Variants in STK32B observed in about 807,000 individuals in gnomAD.
STK32B encodes serine/threonine kinase 32B, also known as serine/threonine-protein kinase 32B.
STK32B carries 43 observed loss-of-function variants against 52.6 expected under a neutral mutation model. The observed-to-expected ratio is 0.82, with a 90% CI of 0.64 to 1.05. The LOEUF (loss-of-function observed/expected upper bound fraction) is 1.05, where lower values mean the gene tolerates loss of function less well. Among genes scored for constraint, STK32B ranks in the 50% least tolerant of loss-of-function variants. STK32B has a pLI of 0.00. For synonymous variants in STK32B, 238 were observed against 204.3 expected (o/e 1.17, Z -1.41); for missense variants, 621 against 534.6 (o/e 1.16, Z -1.59).
chr4:5,410,290 A>G (rs1343895125), intron 5 of STK32B, among the ~76,000 whole-genome samples: 1 of 151,890 alleles, frequency 6.6e-6, no homozygotes, highest in African/African-American at 2.4e-5. Flanking sequence ...GCACCACTTT[A>G]ACCTCTGGCT....
intron 3 of STK32B, among the ~76,000 whole-genome samples, chr4:5,172,270 T>G (rs974574547): frequency 3.3e-5 from 5 of 152,168 alleles, no homozygotes; most frequent in Non-Finnish European, 5.9e-5. Flanking sequence ...ACAATTTGAC[T>G]TCCTCTTTTC....
chr4:5,052,712 C>G (rs1741838239), intron 1 of STK32B, among the ~76,000 whole-genome samples: 1 of 152,118 alleles, frequency 6.6e-6, no homozygotes, highest in Admixed American at 6.5e-5. Flanking sequence ...ACTAGTAATC[C>G]ACGTGAAAAG....
chr4:5,084,795 T>C (rs998663685), intron 1 of STK32B, among the ~76,000 whole-genome samples: 1 of 152,202 alleles, frequency 6.6e-6, no homozygotes, highest in African/African-American at 2.4e-5. Flanking sequence ...TTTTAAACTG[T>C]CTCAGAGTGG....
At chr4:5,080,352 T>C (rs1712342375) in intron 1 of STK32B, among the ~76,000 whole-genome samples, 1 of 152,232 alleles carries the variant, frequency 6.6e-6, no homozygotes, top group South Asian at 2.1e-4. Context: ...GCTTTCTTGC[T>C]ATTCTTTGAA....
intron 4 of STK32B, among the ~76,000 whole-genome samples, chr4:5,376,979 C>G (rs891471215): frequency 6.6e-5 from 10 of 152,052 alleles, no homozygotes; most frequent in African/African-American, 2.4e-4. Flanking sequence ...TTCCCAGCTC[C>G]AGAAAGTCCC....
At chr4:5,192,241 A>G (rs890049064) in intron 3 of STK32B, among the ~76,000 whole-genome samples, 26 of 152,192 alleles carry the variant, frequency 1.7e-4, no homozygotes, top group African/African-American at 6.0e-4. Context: ...TGTGGATTTG[A>G]GACATTCCTC....
chr4:5,319,927 T>C (rs575258192), intron 3 of STK32B, among the ~76,000 whole-genome samples: 1 of 152,246 alleles, frequency 6.6e-6, no homozygotes, highest in Non-Finnish European at 1.5e-5. Context: ...CACTTAGCCA[T>C]GTCTTATGTG....
intron 8 of STK32B, 75 bp downstream of exon 8, chr4:5,456,998 G>A: frequency 9.1e-7 from 1 of 1,096,200 alleles, no homozygotes. Context: ...AGCAAACGAA[G>A]GGGTGAGAAT....
chr4:5,377,389 C>T (rs1235997294), intron 4 of STK32B, among the ~76,000 whole-genome samples: 1 of 152,204 alleles, frequency 6.6e-6, no homozygotes, highest in Non-Finnish European at 1.5e-5. Flanking sequence ...ATTTCAGATT[C>T]AGGAAACTCT....
chr4:5,041,313 C>CT, the STK32B span, among the ~76,000 whole-genome samples: 2 of 151,760 alleles, frequency 1.3e-5, no homozygotes, highest in Admixed American at 1.3e-4. Flanking sequence ...TGACGACTCC[C>CT]TTAAGCCCCT....
the STK32B span, among the ~76,000 whole-genome samples, chr4:5,032,701 T>C: frequency 6.6e-6 from 1 of 152,126 alleles, no homozygotes; most frequent in African/African-American, 2.4e-5. Flanking sequence ...TTAAATACAT[T>C]CACATTGTTG....
chr4:5,034,782 C>T, the STK32B span, among the ~76,000 whole-genome samples: 151,130 of 152,306 alleles, frequency 0.99, 74,997 homozygotes, highest in East Asian at 1. Context: ...GAGGGGCATC[C>T]TGGATTCTTC....
the STK32B span, among the ~76,000 whole-genome samples, chr4:5,029,537 C>A: frequency 4.6e-5 from 7 of 152,136 alleles, no homozygotes; most frequent in African/African-American, 1.7e-4. Flanking sequence ...AACCTGAGAC[C>A]TAGGGCTGTA....
intron 2 of STK32B, among the ~76,000 whole-genome samples, chr4:5,159,238 G>T (rs943124403): frequency 6.6e-6 from 1 of 152,046 alleles, no homozygotes; most frequent in Admixed American, 6.6e-5. Flanking sequence ...CTGAGGAAAC[G>T]TATTTTGGAA....
At chr4:5,330,536 C>T (rs564296915) in intron 3 of STK32B, among the ~76,000 whole-genome samples, 2 of 152,298 alleles carry the variant, frequency 1.3e-5, no homozygotes, top group South Asian at 2.1e-4. Flanking sequence ...CTGGGCTGTT[C>T]TTCTGCTCCA....
intron 1 of STK32B, among the ~76,000 whole-genome samples, chr4:5,080,719 A>G (rs1194447653): frequency 1.3e-5 from 2 of 152,148 alleles, no homozygotes; most frequent in Non-Finnish European, 2.9e-5. Context: ...ATACATACAC[A>G]TTGTGAAATG....
chr4:5,157,508 AG>A (rs781209948), intron 2 of STK32B, among the ~76,000 whole-genome samples: 4 of 152,136 alleles, frequency 2.6e-5, no homozygotes, highest in Non-Finnish European at 5.9e-5. Flanking sequence ...CTCCGAGAGG[AG>A]AAATTTGAGC....
chr4:5,306,217 T>A (rs1409384928), intron 3 of STK32B, among the ~76,000 whole-genome samples: 1 of 152,170 alleles, frequency 6.6e-6, no homozygotes, highest in Non-Finnish European at 1.5e-5. Context: ...ATTTGTTAAG[T>A]CCATTTGTTC....
At chr4:5,314,318 A>G (rs1009138082) in intron 3 of STK32B, among the ~76,000 whole-genome samples, 3 of 152,198 alleles carry the variant, frequency 2.0e-5, no homozygotes, top group African/African-American at 7.2e-5. Flanking sequence ...AACAAATAGT[A>G]ATTGGACAAC....
Sources: allele counts gnomAD v4.1 joint callset (sites outside exome capture counted in the v4.1 genomes callset), GRCh38; gene constraint gnomAD v4.1.1; transcripts MANE v1.5; gene names NCBI Gene and HGNC (gene_info 2026-07-23, HGNC 2026-07-21).